POU2F1: variants seen among roughly 807,000 people sequenced by gnomAD.
POU2F1 encodes POU class 2 homeobox 1, also known as POU domain, class 2, transcription factor 1.
In POU2F1, 16 loss-of-function variants were observed where a neutral mutation model predicts 84.9. The observed-to-expected ratio is 0.19, with a 90% CI of 0.13 to 0.29. The LOEUF is 0.29. POU2F1 is among the 10% of genes least tolerant of loss of function. The probability of loss-of-function intolerance (pLI) is 1.00; values close to 1 mark genes in which losing one functional copy is unlikely to be tolerated. For synonymous variants in POU2F1, 368 were observed against 368.3 expected (o/e 1.00, Z 0.01); for missense variants, 738 against 942.6 (o/e 0.78, Z 2.84).
chr1:167,397,997 A>G lies in POU2F1; in HGVS notation c.1133A>G (p.Asn378Ser), dbSNP rs1648931786. The change falls in exon 11 of 16, where the codon AAC (asparagine) becomes AGC (serine). Residue 378 changes from asparagine to serine, a missense_variant. Asn to Ser is a conservative substitution (Grantham distance 46, BLOSUM62 1). This residue lies in a region of POU2F1 where 95 missense variants were observed against 195.1 expected (regional missense o/e 0.49). Transcript: ENST00000367866. ...LLEKWLNDAE[N>S]LSSDSSLSSP... is the part of the protein sequence containing the mutation. ...TGTATTTTCTTCATTCTTACAGAGAACCTCTCATCTGATTCGTCCCTCTCC... is the reference window on the plus strand; with the variant it reads ...TGTATTTTCTTCATTCTTACAGAGAGCCTCTCATCTGATTCGTCCCTCTCC... 6.2e-7 allele frequency: 1 copy of G among 1,610,274 alleles called. No homozygotes were observed. The highest frequency in any genetic ancestry group is 1.3e-5 in the African/African-American group (1 of 74,616).
chr1:167,333,377 G>A (rs1405050873), intron 2 of POU2F1, among the ~76,000 whole-genome samples: 1 of 152,176 alleles, frequency 6.6e-6, no homozygotes, highest in Non-Finnish European at 1.5e-5. Context: ...TAAGAAGACA[G>A]TTATGGGCAA....
At chr1:167,273,115 AG>A (rs1325599051) in intron 1 of POU2F1, among the ~76,000 whole-genome samples, 3 of 152,214 alleles carry the variant, frequency 2.0e-5, no homozygotes. Flanking sequence ...TAAATCTTAA[AG>A]CTCCAAAATA....
intron 1 of POU2F1, among the ~76,000 whole-genome samples, chr1:167,317,992 G>A (rs1172893530): frequency 6.6e-6 from 1 of 152,176 alleles, no homozygotes; most frequent in African/African-American, 2.4e-5. Flanking sequence ...AAATCACAGA[G>A]TCTCCAAGAG....
intron 13 of POU2F1, among the ~76,000 whole-genome samples, chr1:167,408,957 C>T (rs1252532548): frequency 6.6e-6 from 1 of 152,174 alleles, no homozygotes; most frequent in Non-Finnish European, 1.5e-5. Context: ...ATTCCAGTTC[C>T]TTTATTGGAT....
At chr1:167,282,759 T>C (rs1342521479) in intron 1 of POU2F1, among the ~76,000 whole-genome samples, 2 of 152,206 alleles carry the variant, frequency 1.3e-5, no homozygotes, top group Non-Finnish European at 2.9e-5. Context: ...AACTTTCCTA[T>C]AGGGTTTAGA....
intron 2 of POU2F1, among the ~76,000 whole-genome samples, chr1:167,342,921 C>T (rs934371464): frequency 5.3e-5 from 8 of 152,034 alleles, no homozygotes; most frequent in Non-Finnish European, 8.8e-5. Flanking sequence ...ATTAGTGGGT[C>T]ATTGAAAGTG....
intron 7 of POU2F1, among the ~76,000 whole-genome samples, chr1:167,376,817 C>T (rs1333631884): frequency 6.6e-6 from 1 of 151,912 alleles, no homozygotes; most frequent in Non-Finnish European, 1.5e-5. Flanking sequence ...AATCTTTTGT[C>T]ATGAAATAAT....
chr1:167,345,084 C>T (rs1658101807), intron 2 of POU2F1, among the ~76,000 whole-genome samples: 2 of 152,160 alleles, frequency 1.3e-5, no homozygotes, highest in Admixed American at 6.5e-5. Context: ...ACTTAGAGGA[C>T]GGGTCAATAG....
At chr1:167,277,732 C>T (rs1236605481) in intron 1 of POU2F1, among the ~76,000 whole-genome samples, 2 of 152,134 alleles carry the variant, frequency 1.3e-5, no homozygotes, top group Non-Finnish European at 2.9e-5. Context: ...TCGCTGATGC[C>T]GCATGCCATC....
chr1:167,335,273 A>G (rs926972931), intron 2 of POU2F1, among the ~76,000 whole-genome samples: 2 of 152,204 alleles, frequency 1.3e-5, no homozygotes, highest in Admixed American at 1.3e-4. Context: ...AGACAGATAA[A>G]TAACTGATTC....
At chr1:167,328,342 T>C (rs1489671955) in intron 1 of POU2F1, among the ~76,000 whole-genome samples, 1 of 152,236 alleles carries the variant, frequency 6.6e-6, no homozygotes, top group East Asian at 1.9e-4. Flanking sequence ...CTTCTGGGTT[T>C]ACTGTTGCCT....
chr1:167,348,565 A>G (rs532233708), intron 2 of POU2F1, among the ~76,000 whole-genome samples: 27 of 152,244 alleles, frequency 1.8e-4, no homozygotes, highest in Admixed American at 8.5e-4. Flanking sequence ...AAAAGTGGCA[A>G]CTCTTCATTC....
intron 2 of POU2F1, among the ~76,000 whole-genome samples, chr1:167,363,823 T>G (rs1281887284): frequency 6.6e-6 from 1 of 152,232 alleles, no homozygotes; most frequent in Non-Finnish European, 1.5e-5. Context: ...CTGCTTCATG[T>G]TCTATACCTA....
At chr1:167,221,585 C>T (rs1232667612) in intron 1 of POU2F1, among the ~76,000 whole-genome samples, 2 of 150,060 alleles carry the variant, frequency 1.3e-5, no homozygotes, top group African/African-American at 2.4e-5. Context: ...CCTTGGGGGG[C>T]GGCCCTCAGG....
chr1:167,245,795 A>T (rs1172658084), intron 1 of POU2F1, among the ~76,000 whole-genome samples: 1 of 152,168 alleles, frequency 6.6e-6, no homozygotes, highest in African/African-American at 2.4e-5. Context: ...GGGCTTAAGC[A>T]GTCCTCTTGC....
intron 1 of POU2F1, among the ~76,000 whole-genome samples, chr1:167,269,849 G>A (rs552164314): frequency 6.6e-6 from 1 of 151,428 alleles, no homozygotes; most frequent in South Asian, 2.1e-4. Context: ...GGGTGACAGA[G>A]GTTGCAGTGA....
At chr1:167,414,452 C>A in intron 15 of POU2F1, 1 of 985,410 alleles carries the variant, frequency 1.0e-6, no homozygotes, top group Middle Eastern at 5.2e-4. Flanking sequence ...GCATTCCCTT[C>A]AGCTATATTT....
chr1:167,272,630 T>TA (rs1268238421), intron 1 of POU2F1, among the ~76,000 whole-genome samples: 4 of 152,070 alleles, frequency 2.6e-5, no homozygotes, highest in Non-Finnish European at 5.9e-5. Context: ...TAGGAGGGGC[T>TA]ACACACTTTT....
chr1:167,406,701 T>A (rs1419556720), intron 13 of POU2F1, among the ~76,000 whole-genome samples: 1 of 152,168 alleles, frequency 6.6e-6, no homozygotes, highest in Non-Finnish European at 1.5e-5. Flanking sequence ...AAAAAATAAA[T>A]TACATTTGTA....
Sources: allele counts gnomAD v4.1 joint callset (sites outside exome capture counted in the v4.1 genomes callset), GRCh38; gene constraint gnomAD v4.1.1; regional missense constraint gnomAD v4.1.1; transcripts MANE v1.5; gene names NCBI Gene and HGNC (gene_info 2026-07-23, HGNC 2026-07-21).